TCF12: variants seen among roughly 807,000 people sequenced by gnomAD.
TCF12 encodes the protein DNA-binding protein HTF4.
A neutral mutation model predicts 86.0 loss-of-function variants in TCF12; 45 were observed. That is an observed-to-expected ratio of 0.52 (90% CI 0.41 to 0.67). TCF12 has a LOEUF of 0.67. Among genes scored for constraint, TCF12 ranks in the 30% least tolerant of loss-of-function variants. TCF12 has a pLI of 0.00. For synonymous variants in TCF12, 330 were observed against 299.6 expected (o/e 1.10, Z -1.05); for missense variants, 881 against 859.9 (o/e 1.02, Z -0.31).
chr15:57,155,826 A>T (rs1387206374), intron 5 of TCF12, among the ~76,000 whole-genome samples: 1 of 152,192 alleles, frequency 6.6e-6, no homozygotes, highest in African/African-American at 2.4e-5. Context: ...GTCTTAGTAG[A>T]ACCTAAATGG....
At chr15:57,026,434 C>T (rs2065828679) in intron 3 of TCF12, among the ~76,000 whole-genome samples, 1 of 152,162 alleles carries the variant, frequency 6.6e-6, no homozygotes, top group South Asian at 2.1e-4. Flanking sequence ...AGCAGCAGTC[C>T]AGCATGCTGT....
chr15:56,973,519 A>G (rs1390515312), intron 3 of TCF12, among the ~76,000 whole-genome samples: 2 of 152,116 alleles, frequency 1.3e-5, no homozygotes, highest in African/African-American at 2.4e-5. Flanking sequence ...GAAGAGGGCA[A>G]TGTTCCTCTT....
intron 3 of TCF12, among the ~76,000 whole-genome samples, chr15:57,005,662 G>T (rs915751606): frequency 1.3e-5 from 2 of 152,108 alleles, no homozygotes; most frequent in African/African-American, 2.4e-5. Context: ...TTGGCTTCCT[G>T]GGCTCAAGCA....
intron 7 of TCF12, among the ~76,000 whole-genome samples, chr15:57,197,098 C>T (rs1380220972): frequency 6.7e-6 from 1 of 149,944 alleles, no homozygotes; most frequent in Admixed American, 6.7e-5. Context: ...CTAAGTGCCC[C>T]TCTGCAAATG....
At chr15:57,221,035 T>C (rs375717159) in intron 8 of TCF12, among the ~76,000 whole-genome samples, 18 of 152,218 alleles carry the variant, frequency 1.2e-4, no homozygotes, top group African/African-American at 4.3e-4. Context: ...AAGTAGCCTA[T>C]GGCTACAACT....
chr15:57,003,750 C>T (rs2064186102), intron 3 of TCF12, among the ~76,000 whole-genome samples: 1 of 152,158 alleles, frequency 6.6e-6, no homozygotes, highest in Non-Finnish European at 1.5e-5. Context: ...GGCAAAGTTG[C>T]ATATATTGAA....
At chr15:56,938,643 T>G (rs77403280) in intron 3 of TCF12, among the ~76,000 whole-genome samples, 23 of 72,026 alleles carry the variant, frequency 3.2e-4, no homozygotes, top group Admixed American at 1.4e-3. Flanking sequence ...GTCCGAGACT[T>G]TTTTTTTTTT....
At chr15:57,138,531 C>G (rs1389022237) in intron 5 of TCF12, among the ~76,000 whole-genome samples, 2 of 90,510 alleles carry the variant, frequency 2.2e-5, no homozygotes, top group Admixed American at 2.7e-4. Flanking sequence ...ATAATCAGAT[C>G]TGTTTCCTAT....
chr15:57,279,849 G>A (rs2061597151), intron 19 of TCF12, among the ~76,000 whole-genome samples: 1 of 148,920 alleles, frequency 6.7e-6, no homozygotes, highest in African/African-American at 2.5e-5. Context: ...CAGTCTCTCG[G>A]GTCATTATAT....
In TCF12 at chr15:57,252,468, G is replaced by A. The variant is rs913871311; in HGVS notation, c.1236G>A (p.Met412Ile). 1.9e-6 allele frequency: 3 copies of A among 1,613,898 alleles called. No individual in the cohort carries two copies. Among genetic ancestry groups the A allele is most frequent in the Non-Finnish European group, 1.7e-6 (2 of 1,179,884 alleles). The change falls in exon 15 of 21, where the codon ATG becomes ATA. Residue 412 changes from methionine (M) to isoleucine (I), a missense_variant. By Grantham distance (10) the Met-to-Ile change is conservative (BLOSUM62 1). Around this residue, in one of 3 missense-constraint regions of TCF12, gnomAD observed 766 missense variants for 718.9 expected, o/e 1.07. Coordinates refer to ENST00000333725, the MANE Select transcript of TCF12 (RefSeq NM_207037.2). ...TTCACGAGCATTTGCAAGATGCAAT[G>A]TCCTTCTTAAAGGATGTCTGTGAGG... ...QQLHEHLQDA[M>I]SFLKDVCEQS...
intron 5 of TCF12, among the ~76,000 whole-genome samples, chr15:57,137,040 C>T (rs2052597723): frequency 1.5e-5 from 2 of 132,590 alleles, no homozygotes; most frequent in East Asian, 4.8e-4. Flanking sequence ...AGTGCAGTGG[C>T]GCGATCTCGG....
intron 3 of TCF12, among the ~76,000 whole-genome samples, chr15:56,980,131 A>G (rs1295509680): frequency 6.6e-6 from 1 of 152,256 alleles, no homozygotes; most frequent in East Asian, 1.9e-4. Context: ...GGCCTAGATG[A>G]GACGATTTCT....
intron 6 of TCF12, among the ~76,000 whole-genome samples, chr15:57,191,859 G>A (rs1030691103): frequency 1.3e-5 from 2 of 151,830 alleles, no homozygotes; most frequent in African/African-American, 4.8e-5. Context: ...GCTTGAACAC[G>A]GGAGGCAGAG....
chr15:57,282,606 C>T lies in TCF12; in HGVS notation c.*11+8C>T, dbSNP rs1288030386. 1.2e-5 allele frequency: 20 copies of T among 1,603,836 alleles called. No individual in the cohort carries two copies. The highest frequency in any genetic ancestry group is 6.8e-5 in the South Asian group (6 of 88,564). On this transcript the variant is annotated splice_region_variant and intron_variant, in intron 20 of 20. Transcript: ENST00000333725. The stretch of plus-strand genomic sequence containing the variant: ...TATGTAAACATCAGCCAGGTAAGTA[C>T]GGGTTTGAAAAGAAACAGCAAGGAA...
intron 3 of TCF12, among the ~76,000 whole-genome samples, chr15:56,972,295 A>C (rs2062378494): frequency 6.6e-6 from 1 of 152,246 alleles, no homozygotes; most frequent in South Asian, 2.1e-4. Context: ...ACTTCTGGGC[A>C]TTCACCCTGA....
chr15:57,192,125 A>C (rs1247656348), intron 6 of TCF12, 33 bp from the exon 7 acceptor site: 17 of 1,609,206 alleles, frequency 1.1e-5, no homozygotes, highest in Non-Finnish European at 1.4e-5. Flanking sequence ...TATCAGCAGG[A>C]AAATAACTTG....
At chr15:56,927,565 A>G (rs1260553812) in intron 3 of TCF12, among the ~76,000 whole-genome samples, 1 of 152,224 alleles carries the variant, frequency 6.6e-6, no homozygotes, top group African/African-American at 2.4e-5. Context: ...GCATAACTTA[A>G]CAAATCCATT....
intron 3 of TCF12, among the ~76,000 whole-genome samples, chr15:57,025,466 A>G (rs915194259): frequency 6.6e-6 from 1 of 152,036 alleles, no homozygotes; most frequent in Admixed American, 6.6e-5. Context: ...TATGCACCTG[A>G]ATTTTCCCTT....
chr15:57,073,952 G>A lies in TCF12; in HGVS notation c.222+10129G>A, dbSNP rs192067187. Among the ~76,000 whole-genome samples the A allele has an allele frequency of 3.2e-4, 49 of 152,066 alleles. No homozygotes were observed. The East Asian group carries it at 9.1e-3, about 28-fold the overall frequency. On this transcript the variant is annotated intron_variant, in intron 4 of 20. Coordinates refer to ENST00000333725, the MANE Select transcript of TCF12 (RefSeq NM_207037.2). ...TTTTTAGTAGAGACAGGGTTTCACC[G>A]TGTTAGCCAGGATGGTCTCGATCTC...
Sources: allele counts gnomAD v4.1 joint callset (sites outside exome capture counted in the v4.1 genomes callset), GRCh38; gene constraint gnomAD v4.1.1; regional missense constraint gnomAD v4.1.1; transcripts MANE v1.5; gene names NCBI Gene and HGNC (gene_info 2026-07-23, HGNC 2026-07-21).